Variants in BRSK2 observed in about 807,000 individuals in gnomAD.
The protein encoded by BRSK2 is serine/threonine-protein kinase BRSK2.
A neutral mutation model predicts 83.3 loss-of-function variants in BRSK2; 19 were observed. That is an observed-to-expected ratio of 0.23 (90% confidence interval 0.16 to 0.33). BRSK2 has a LOEUF of 0.33. BRSK2 is among the 10% of genes least tolerant of loss of function. The pLI is 1.00. For synonymous variants in BRSK2, 519 were observed against 435.4 expected, an observed-to-expected ratio of 1.19 and a Z score of -2.39; for missense variants, 798 against 1,042.3, an observed-to-expected ratio of 0.77 and a Z score of 3.23.
chr11:1,406,206 C>T (rs1846865679), intron 1 of BRSK2, among the ~76,000 whole-genome samples: 1 of 152,340 alleles, frequency 6.6e-6, no homozygotes, highest in African/African-American at 2.4e-5. Context: ...CGCAGTGGCT[C>T]ACGCCTGTAA....
chr11:1,419,862 G>A (rs990487718), intron 1 of BRSK2, among the ~76,000 whole-genome samples: 5 of 152,242 alleles, frequency 3.3e-5, no homozygotes, highest in Non-Finnish European at 5.9e-5. Flanking sequence ...GCAGTAAGCC[G>A]AGATGGCGCC....
chr11:1,443,713 G>A, intron 8 of BRSK2, 78 bp downstream of exon 8: 1 of 1,366,274 alleles, frequency 7.3e-7, no homozygotes, highest in Non-Finnish European at 9.6e-7. Flanking sequence ...TGTGTGCACA[G>A]GTGTGTGCCC....
At chr11:1,456,730 G>A (rs1189952629) in intron 18 of BRSK2, 43 bp downstream of exon 18, 2 of 1,548,244 alleles carry the variant, frequency 1.3e-6, no homozygotes, top group Admixed American at 1.9e-5. Flanking sequence ...CCTGCGAGTG[G>A]GGCGTGGCCA....
At chr11:1,397,099 C>G (rs773013844) in intron 1 of BRSK2, among the ~76,000 whole-genome samples, 1 of 152,240 alleles carries the variant, frequency 6.6e-6, no homozygotes, top group African/African-American at 2.4e-5. Flanking sequence ...CACCCTGCCA[C>G]CTCCTCTGTG....
At chr11:1,429,206 T>C (rs1278080156) in intron 1 of BRSK2, among the ~76,000 whole-genome samples, 7 of 147,160 alleles carry the variant, frequency 4.8e-5, no homozygotes, top group South Asian at 2.2e-4. Flanking sequence ...TGGGTGTGTG[T>C]GCACGCGGTG....
rs1482780622 is a variant in BRSK2 at position 1,442,458 on chromosome 11, G to A, written c.414-32G>A. 2.6e-6 allele frequency: 4 copies of A among 1,558,656 alleles called. No homozygotes were observed. In the South Asian group the frequency reaches 3.3e-5, roughly 13 times the overall value. ...GGGGAGGCGCTCAAGGCAGAGACTG[G>A]CCCTGTTCAGCCTCACCACCCTCCT... On this transcript the variant is annotated intron_variant, in intron 4 of 19. Transcript: ENST00000528841.
chr11:1,429,198 GGTGT>G (rs1029303366), intron 1 of BRSK2, among the ~76,000 whole-genome samples: 1 of 149,532 alleles, frequency 6.7e-6, no homozygotes, highest in Non-Finnish European at 1.5e-5. Flanking sequence ...CGTGTGCATG[GGTGT>G]GTGTGCACGC....
At chr11:1,420,005 C>T (rs1006054988) in intron 1 of BRSK2, among the ~76,000 whole-genome samples, 2 of 145,050 alleles carry the variant, frequency 1.4e-5, no homozygotes, top group Admixed American at 6.7e-5. Context: ...CTCCCACACC[C>T]GGGCACGTGG....
In BRSK2 at chr11:1,456,414, G is replaced by C. The variant is rs1272382753; in HGVS notation, c.1735G>C (p.Gly579Arg). 1 of 1,600,810 alleles carries C rather than the reference G, an allele frequency of 6.2e-7. No individual in the cohort carries two copies. The highest frequency in any genetic ancestry group is 8.5e-7 in the Non-Finnish European group (1 of 1,174,588). Residue 579 changes from glycine (G) to arginine (R), a missense_variant, in exon 17 of 20, where the codon GGG becomes CGG. Coordinates refer to ENST00000528841, the MANE Select transcript of BRSK2 (RefSeq NM_001256627.2). ...CCGGGCCGAGTACAAGGCCACGGGG[G>C]GGCCAGCCGTGTTCCAGAAGCCGGT... Reference protein sequence around the residue: ...SFRAEYKATGGPAVFQKPVKF... With the variant: ...SFRAEYKATGRPAVFQKPVKF...
intron 1 of BRSK2, chr11:1,410,968 A>C: frequency 3.1e-6 from 3 of 981,578 alleles, no homozygotes; most frequent in Non-Finnish European, 3.6e-6. Flanking sequence ...GCTCCAGCCC[A>C]GGGCCCCGCT....
In BRSK2 at chr11:1,423,423, CTG is replaced by C. The variant is rs530364249; in HGVS notation, c.92-12614_92-12613del. 1.9e-3 allele frequency among the ~76,000 whole-genome samples: 294 copies of C among 152,160 alleles called. No homozygotes were observed. The highest frequency in any genetic ancestry group is 3.0e-3 in the Admixed American group (46 of 15,286). On this transcript the variant is annotated intron_variant, in intron 1 of 19. Transcript: ENST00000528841. This position sits in a 1 kb window ranked among gnomAD's most constrained non-coding sequence, Gnocchi z 6.5. ...GTGTGTGTGGGGAGAAGTTCTGAGA[CTG>C]TGGGAGGGGTAGGGGTGTGCTGTGG...
At chr11:1,433,602 T>C (rs944703863) in intron 1 of BRSK2, among the ~76,000 whole-genome samples, 4 of 152,306 alleles carry the variant, frequency 2.6e-5, no homozygotes, top group Middle Eastern at 3.4e-3. Flanking sequence ...TGGGGCTGAG[T>C]CCTTCCTGCA....
intron 2 of BRSK2, 116 bp downstream of exon 2, chr11:1,436,250 G>GGGGGGGGGGGGCCCCCCC: frequency 5.9e-6 from 1 of 168,876 alleles, no homozygotes; most frequent in Admixed American, 1.1e-4. Flanking sequence ...GGGGGGGCGG[G>GGGGGGGGGGGGCCCCCCC]CCCTGCAGGC....
At position 1,448,630 on chromosome 11, in the gene BRSK2, C is replaced by T. The variant is rs1181873469; in HGVS notation, c.1227-1146C>T. Among the ~76,000 whole-genome samples, 5 of 152,346 alleles carry T rather than the reference C, an allele frequency of 3.3e-5. No individual in the cohort carries two copies. In the East Asian group the frequency reaches 9.7e-4, roughly 29 times the overall value. On this transcript the variant is annotated intron_variant, in intron 12 of 19. Coordinates refer to ENST00000528841, the MANE Select transcript of BRSK2 (RefSeq NM_001256627.2). ...TCGACAGGAACCACAGGTCCAGGGC[C>T]TCACTGGTGGCTGCTGCCCCCATGA...
In BRSK2 at chr11:1,454,510, A is replaced by T; in HGVS notation, c.1570A>T (p.Asn524Tyr). The T allele has an allele frequency of 6.2e-7, 1 of 1,613,014 alleles. No homozygotes were observed. The highest frequency in any genetic ancestry group is 8.5e-7 in the Non-Finnish European group (1 of 1,179,908). ...GCTGGCGAAGAAGTCCTGGTTTGGG[A>T]ACTTCATCAGCCTGGAGAAGGAGGA... ...PELAKKSWFG[N>Y]FISLEKEEQI... The change falls in exon 16 of 20, where the codon AAC becomes TAC. Residue 524 changes from asparagine (N) to tyrosine (Y), a missense_variant. Physicochemically the swap from Asn to Tyr is moderately radical, Grantham distance 143. Transcript: ENST00000528841. This position sits in a 1 kb window ranked among gnomAD's most constrained non-coding sequence, Gnocchi z 5.2.
At position 1,460,497 on chromosome 11, in the gene BRSK2, C is replaced by A; in HGVS notation, c.1988-3C>A. 7.1e-7 allele frequency: 1 copy of A among 1,405,628 alleles called. No homozygotes were observed. Among genetic ancestry groups the A allele is most frequent in the South Asian group, 1.3e-5 (1 of 76,734 alleles). The allele number at this position is 1,405,628 out of a possible 1,614,324, so 87.1% of individuals were successfully genotyped here. A position where few individuals can be genotyped will look rare whatever the true frequency, so the allele number is the denominator to read the frequency against. ...TTTTTTTGTCTCTGTTCTGTGTACC[C>A]AGGCAGCCCATTGAGTAACTTCTTT... On this transcript the variant is annotated splice_polypyrimidine_tract_variant and splice_region_variant and intron_variant, in intron 19 of 19. Coordinates refer to ENST00000528841, the MANE Select transcript of BRSK2 (RefSeq NM_001256627.2).
chr11:1,459,068 G>T, intron 18 of BRSK2, 124 bp from the exon 19 acceptor site: 50 of 616,798 alleles, frequency 8.1e-5, no homozygotes, highest in South Asian at 1.8e-4. Flanking sequence ...CCCCACCCAT[G>T]CCTCTGGGGC....
intron 7 of BRSK2, 40 bp from the exon 8 acceptor site, chr11:1,443,449 C>G (rs1264568419): frequency 6.3e-7 from 1 of 1,576,716 alleles, no homozygotes; most frequent in Admixed American, 1.8e-5. Context: ...CTCCCCAAAC[C>G]TGCCCCCCCA....
chr11:1,436,554 C>T (rs572714629), intron 2 of BRSK2, among the ~76,000 whole-genome samples: 10 of 152,196 alleles, frequency 6.6e-5, no homozygotes, highest in African/African-American at 1.4e-4. Flanking sequence ...TGGCCTCCGT[C>T]GGCTCCATCC....
Sources: allele counts gnomAD v4.1 joint callset (sites outside exome capture counted in the v4.1 genomes callset), GRCh38; gene constraint gnomAD v4.1.1; non-coding constraint Gnocchi (gnomAD v3.1); transcripts MANE v1.5; gene names NCBI Gene and HGNC (gene_info 2026-07-23, HGNC 2026-07-21).